The following NRG1 variants were observed in gnomAD, a reference collection of about 807,000 sequenced individuals.
NRG1 encodes neuregulin 1.
A neutral mutation model predicts 63.8 loss-of-function variants in NRG1; 18 were observed. That is an observed-to-expected ratio of 0.28 (90% CI 0.19 to 0.42). The LOEUF (loss-of-function observed/expected upper bound fraction) is 0.42, where lower values mean the gene tolerates loss of function less well. NRG1 is among the 10% of genes least tolerant of loss of function. NRG1 has a pLI of 1.00. For missense variants in NRG1, 762 were observed against 814.7 expected (o/e 0.94, Z 0.79); for synonymous variants, 302 against 301.3 (o/e 1.00, Z -0.02).
chr8:31,854,908 G>A (rs1401919767), intron 1 of NRG1, among the ~76,000 whole-genome samples: 1 of 152,182 alleles, frequency 6.6e-6, no homozygotes, highest in Non-Finnish European at 1.5e-5. Flanking sequence ...CAGTTTCCAT[G>A]TAGCTGAGCG....
In NRG1 at chr8:32,445,147, A is replaced by T. The variant is rs562151466; in HGVS notation, c.38-150681A>T. 3.9e-5 allele frequency among the ~76,000 whole-genome samples: 6 copies of T among 152,316 alleles called. No homozygotes were observed. The South Asian group carries it at 1.2e-3, about 32-fold the overall frequency. Reference sequence around the variant, plus strand: ...CAGATACCAAAATCCACAGATGCTCATGTCCTGCTTATAAAATGGCATAGT... The same window carrying T: ...CAGATACCAAAATCCACAGATGCTCTTGTCCTGCTTATAAAATGGCATAGT... On this transcript the variant is annotated intron_variant, in intron 1 of 10. Transcript: ENST00000519301.
intron 1 of NRG1, among the ~76,000 whole-genome samples, chr8:32,515,251 C>A (rs990138958): frequency 6.6e-6 from 1 of 152,060 alleles, no homozygotes; most frequent in Non-Finnish European, 1.5e-5. Context: ...TAAGCATTCC[C>A]TTTTCTCCAC....
At chr8:32,260,391 G>A (rs992674087) in intron 1 of NRG1, among the ~76,000 whole-genome samples, 2 of 152,190 alleles carry the variant, frequency 1.3e-5, no homozygotes, top group African/African-American at 2.4e-5. Context: ...TTTAGAGCAA[G>A]TGCCAGGCTG....
chr8:31,712,738 T>A (rs903577808), intron 1 of NRG1, among the ~76,000 whole-genome samples: 1 of 152,162 alleles, frequency 6.6e-6, no homozygotes, highest in African/African-American at 2.4e-5. Flanking sequence ...TGTTGTTCCA[T>A]CTCCTTTGCT....
At chr8:32,146,984 A>G (rs960312821) in intron 1 of NRG1, among the ~76,000 whole-genome samples, 8 of 152,196 alleles carry the variant, frequency 5.3e-5, no homozygotes, top group Non-Finnish European at 2.9e-5. Context: ...TAATAAGAGA[A>G]TTAAATATCT....
chr8:32,191,409 T>G (rs758648661), intron 1 of NRG1, among the ~76,000 whole-genome samples: 7 of 152,162 alleles, frequency 4.6e-5, no homozygotes, highest in Non-Finnish European at 8.8e-5. Context: ...GTTCACAAGA[T>G]ACACAGAAAT....
chr8:31,989,017 G>T (rs1053054431), intron 1 of NRG1, among the ~76,000 whole-genome samples: 1 of 151,870 alleles, frequency 6.6e-6, no homozygotes, highest in South Asian at 2.1e-4. Flanking sequence ...AGGAGGCTGA[G>T]GTGGGCAGGT....
chr8:31,838,290 C>G (rs1333178480), intron 1 of NRG1, among the ~76,000 whole-genome samples: 1 of 152,062 alleles, frequency 6.6e-6, no homozygotes, highest in African/African-American at 2.4e-5. Flanking sequence ...ACTTTGTAGT[C>G]TCTTCCATGG....
exon 12 of NRG1, chr8:32,765,688 A>T (rs1386094506): frequency 6.6e-6 from 1 of 152,200 alleles, no homozygotes; most frequent in East Asian, 1.9e-4. Context: ...TCATCAGGAA[A>T]TGTCAATCCT....
intron 1 of NRG1, among the ~76,000 whole-genome samples, chr8:32,326,225 G>T (rs1301247549): frequency 1.3e-5 from 2 of 151,146 alleles, no homozygotes; most frequent in African/African-American, 4.9e-5. Flanking sequence ...GGTCAGGCTG[G>T]TCTTGAACTC....
chr8:32,398,579 C>A (rs1015890397), intron 1 of NRG1, among the ~76,000 whole-genome samples: 2 of 151,930 alleles, frequency 1.3e-5, no homozygotes, highest in Non-Finnish European at 2.9e-5. Flanking sequence ...CCCATCTGAT[C>A]TTTGTATTTT....
At chr8:31,919,041 T>C (rs1238144221) in intron 1 of NRG1, among the ~76,000 whole-genome samples, 1 of 152,168 alleles carries the variant, frequency 6.6e-6, no homozygotes, top group Non-Finnish European at 1.5e-5. Flanking sequence ...GTGGGATCAG[T>C]GGTGATATCC....
chr8:31,757,802 G>A (rs73590132), intron 1 of NRG1, among the ~76,000 whole-genome samples: 23,759 of 151,954 alleles, frequency 0.16, 2,160 homozygotes, highest in East Asian at 0.2. Flanking sequence ...AAAGTATTAA[G>A]TTCAATAAAT....
At chr8:32,531,006 G>A (rs1831400738) in intron 1 of NRG1, among the ~76,000 whole-genome samples, 1 of 152,152 alleles carries the variant, frequency 6.6e-6, no homozygotes, top group South Asian at 2.1e-4. Context: ...GCTAAGGCAG[G>A]AGAATTGCTT....
intron 1 of NRG1, among the ~76,000 whole-genome samples, chr8:32,304,093 C>A (rs143031325): frequency 3.6e-4 from 55 of 152,284 alleles, no homozygotes; most frequent in African/African-American, 1.3e-3. Flanking sequence ...ATTTTAGAAA[C>A]GTTCATGAGT....
At chr8:32,732,475 T>G (rs1823922228) in intron 6 of NRG1, among the ~76,000 whole-genome samples, 1 of 152,174 alleles carries the variant, frequency 6.6e-6, no homozygotes, top group Admixed American at 6.5e-5. Context: ...GTCCAACATG[T>G]TGTCCAGTGG....
chr8:32,351,112 T>G (rs895321243), intron 1 of NRG1, among the ~76,000 whole-genome samples: 2 of 152,184 alleles, frequency 1.3e-5, no homozygotes, highest in Non-Finnish European at 2.9e-5. Context: ...GACATGTAAC[T>G]CCACTTTTTA....
intron 1 of NRG1, among the ~76,000 whole-genome samples, chr8:32,315,968 C>T (rs1857337952): frequency 6.9e-6 from 1 of 144,294 alleles, no homozygotes; most frequent in Non-Finnish European, 1.5e-5. Flanking sequence ...TAGAAAGGAA[C>T]AGAAACTGCG....
intron 1 of NRG1, among the ~76,000 whole-genome samples, chr8:32,206,517 G>A (rs951179077): frequency 2.0e-5 from 3 of 152,214 alleles, no homozygotes; most frequent in Non-Finnish European, 4.4e-5. Context: ...TACGAAGACT[G>A]AAGTTTTCTT....
Sources: gnomAD v4.1 joint callset for allele counts (sites outside exome capture counted in the v4.1 genomes callset) on GRCh38, gnomAD v4.1.1 for gene constraint, MANE v1.5 for transcripts, NCBI Gene and HGNC (gene_info 2026-07-23, HGNC 2026-07-21) for gene names.